Variants in HMGB1 observed in about 807,000 individuals in gnomAD.
HMGB1 encodes the protein high mobility group box 1, also known as high mobility group protein B1.
For missense variants in HMGB1, 79 were observed against 253.5 expected, an observed-to-expected ratio of 0.31 and a Z score of 4.67; for synonymous variants, 81 against 84.0, an observed-to-expected ratio of 0.96 and a Z score of 0.19.
chr13:30,473,905 A>G (rs1887006440), intron 1 of HMGB1, among the ~76,000 whole-genome samples: 1 of 152,254 alleles, frequency 6.6e-6, no homozygotes, highest in South Asian at 2.1e-4. Context: ...CCATACACAT[A>G]CATATATATT....
At chr13:30,611,169 T>G (rs1018950534) in intron 1 of HMGB1, among the ~76,000 whole-genome samples, 1 of 152,224 alleles carries the variant, frequency 6.6e-6, no homozygotes, top group Non-Finnish European at 1.5e-5. Flanking sequence ...TTTGTAACAA[T>G]GTGTTATGAG....
intron 1 of HMGB1, among the ~76,000 whole-genome samples, chr13:30,507,923 G>A (rs35801088): frequency 0.14 from 20,807 of 152,036 alleles, 1,746 homozygotes; most frequent in East Asian, 0.33. Flanking sequence ...CTTGAGCCCC[G>A]GGATTCAAGG....
At chr13:30,615,890 A>T (rs1292415621) in intron 1 of HMGB1, among the ~76,000 whole-genome samples, 1 of 152,194 alleles carries the variant, frequency 6.6e-6, no homozygotes, top group East Asian at 1.9e-4. Context: ...TCCTCCCTTT[A>T]AATCATGTGA....
At chr13:30,515,516 A>C (rs1471262423) in intron 1 of HMGB1, among the ~76,000 whole-genome samples, 1 of 152,234 alleles carries the variant, frequency 6.6e-6, no homozygotes, top group East Asian at 1.9e-4. Flanking sequence ...ATTACATTCA[A>C]TAAATACTCA....
intron 1 of HMGB1, among the ~76,000 whole-genome samples, chr13:30,565,213 C>T (rs563514216): frequency 1.3e-5 from 2 of 152,172 alleles, no homozygotes; most frequent in African/African-American, 2.4e-5. Context: ...CAATAACTCA[C>T]CTTTGTCCTT....
At chr13:30,482,926 T>C (rs1279675636) in intron 1 of HMGB1, among the ~76,000 whole-genome samples, 1 of 149,918 alleles carries the variant, frequency 6.7e-6, no homozygotes, top group Non-Finnish European at 1.5e-5. Context: ...TATCTAGGAC[T>C]ACAAGTGCAC....
intron 1 of HMGB1, among the ~76,000 whole-genome samples, chr13:30,490,697 C>T (rs1324204374): frequency 1.3e-5 from 2 of 151,592 alleles, no homozygotes; most frequent in African/African-American, 4.9e-5. Context: ...GTGGGAGGAT[C>T]GCTTAAGCCC....
intron 1 of HMGB1, among the ~76,000 whole-genome samples, chr13:30,500,080 G>A (rs1242852123): frequency 1.3e-5 from 2 of 152,148 alleles, no homozygotes; most frequent in Non-Finnish European, 2.9e-5. Context: ...GGAGTGAATT[G>A]GCTCTCACAG....
At chr13:30,468,615 G>A (rs9508752), upstream of HMGB1, among the ~76,000 whole-genome samples, 61,365 of 151,874 alleles carry the variant, frequency 0.4, 14,185 homozygotes, top group East Asian at 0.73. Context: ...GTCTGGTGAT[G>A]GTACCTTTAT....
intron 1 of HMGB1, among the ~76,000 whole-genome samples, chr13:30,532,065 G>T: frequency 6.6e-6 from 1 of 151,704 alleles, no homozygotes. Context: ...CAGGCCAGGC[G>T]CAGTGGCTCA....
At chr13:30,475,018 C>A (rs1367287699) in intron 1 of HMGB1, among the ~76,000 whole-genome samples, 3 of 91,980 alleles carry the variant, frequency 3.3e-5, no homozygotes, top group Non-Finnish European at 5.9e-5. Flanking sequence ...TGCAGTGATG[C>A]GACCTCAGCT....
intron 1 of HMGB1, among the ~76,000 whole-genome samples, chr13:30,604,247 T>A (rs1378412046): frequency 6.6e-6 from 1 of 152,136 alleles, no homozygotes; most frequent in Non-Finnish European, 1.5e-5. Context: ...ACAGGAAGGT[T>A]GTGAAGAAAA....
chr13:30,538,735 TTTC>T (rs1157301966), intron 1 of HMGB1, among the ~76,000 whole-genome samples: 1 of 146,502 alleles, frequency 6.8e-6, no homozygotes, highest in Non-Finnish European at 1.5e-5. Context: ...TTTCTTTTTC[TTTC>T]TTTCTTCTTT....
At chr13:30,556,374 A>G (rs954911881) in intron 1 of HMGB1, among the ~76,000 whole-genome samples, 1 of 152,214 alleles carries the variant, frequency 6.6e-6, no homozygotes, top group Non-Finnish European at 1.5e-5. Flanking sequence ...ACTGCACTCT[A>G]GCCTGGGCAA....
chr13:30,478,862 TTTTCTTTTC>T (rs1887161432), intron 1 of HMGB1, among the ~76,000 whole-genome samples: 2 of 136,418 alleles, frequency 1.5e-5, no homozygotes, highest in Non-Finnish European at 3.3e-5. Context: ...TTTTCTTTTC[TTTTCTTTTC>T]TTTTTTTTTT....
At chr13:30,489,682 T>C (rs150579064) in intron 1 of HMGB1, among the ~76,000 whole-genome samples, 2 of 152,244 alleles carry the variant, frequency 1.3e-5, no homozygotes, top group Non-Finnish European at 2.9e-5. Flanking sequence ...TGAATGCATG[T>C]TCTTCAGCAC....
At position 30,538,663 on chromosome 13, in the gene HMGB1, CCTTT is replaced by C. The variant is rs199917844; in HGVS notation, c.-14-74973_-14-74970del. Among the ~76,000 whole-genome samples the C allele has an allele frequency of 4.6e-4, 37 of 80,038 alleles. 3 individuals are homozygous for C. The highest frequency in any genetic ancestry group is 1.3e-3 in the African/African-American group (16 of 12,470). The allele number at this position is 80,038 out of a possible 152,430, so 52.5% of individuals were successfully genotyped here. ...TCTTCCTTTCTTTCTTTCTTTCTTTCCTTTCTTTCTTTCTTTCTTTCCTTTCTTT... is the reference window on the plus strand; with the variant it reads ...TCTTCCTTTCTTTCTTTCTTTCTTTCCTTTCTTTCTTTCTTTCCTTTCTTT... On this transcript the variant is annotated intron_variant, in intron 1 of 4. Coordinates refer to the HMGB1 transcript ENST00000405805.
chr13:30,506,151 C>G (rs1022458124), intron 1 of HMGB1, among the ~76,000 whole-genome samples: 2 of 152,150 alleles, frequency 1.3e-5, no homozygotes, highest in Non-Finnish European at 2.9e-5. Flanking sequence ...GGCCTCAAGC[C>G]CTTTCCAGCC....
chr13:30,495,357 C>T (rs1887585466), intron 1 of HMGB1, among the ~76,000 whole-genome samples: 1 of 152,174 alleles, frequency 6.6e-6, no homozygotes. Flanking sequence ...TTTTGAACAA[C>T]TCTAATTCGT....
Sources: gnomAD v4.1 joint callset for allele counts (sites outside exome capture counted in the v4.1 genomes callset) on GRCh38, gnomAD v4.1.1 for gene constraint, MANE v1.5 for transcripts, NCBI Gene and HGNC (gene_info 2026-07-23, HGNC 2026-07-21) for gene names.